Variants in RIMBP2 observed in about 807,000 individuals in gnomAD.
RIMBP2 encodes the protein RIMS binding protein 2.
Under a neutral mutation model 118.6 loss-of-function variants are expected in RIMBP2, and 48 were observed. That is an observed-to-expected ratio of 0.40 (90% CI 0.32 to 0.51). The LOEUF (loss-of-function observed/expected upper bound fraction) is 0.51. Among genes scored for constraint, RIMBP2 ranks in the 20% least tolerant of loss-of-function variants. RIMBP2 has a pLI of 0.41. For missense variants in RIMBP2, 1,551 were observed against 1,768.3 expected (o/e 0.88, Z 2.20); for synonymous variants, 762 against 742.9 (o/e 1.03, Z -0.42).
At chr12:130,402,235 G>T (rs2074676712) in intron 21 of RIMBP2, among the ~76,000 whole-genome samples, 1 of 152,140 alleles carries the variant, frequency 6.6e-6, no homozygotes, top group African/African-American at 2.4e-5. Flanking sequence ...GAGGCTCAGA[G>T]GTCCTGTTCA....
intron 2 of RIMBP2, among the ~76,000 whole-genome samples, chr12:130,563,350 G>C (rs1251177219): frequency 6.6e-6 from 1 of 152,228 alleles, no homozygotes; most frequent in Non-Finnish European, 1.5e-5. Flanking sequence ...ATTAACCTGA[G>C]CATGAGAAGG....
chr12:130,493,883 C>G (rs1433985505), intron 4 of RIMBP2, among the ~76,000 whole-genome samples: 2 of 152,134 alleles, frequency 1.3e-5, no homozygotes, highest in Admixed American at 6.5e-5. Flanking sequence ...GTTACATTTA[C>G]CCGGATATCC....
chr12:130,653,038 C>T (rs554157206), intron 1 of RIMBP2, among the ~76,000 whole-genome samples: 29 of 152,294 alleles, frequency 1.9e-4, no homozygotes, highest in African/African-American at 5.8e-4. Context: ...ACATCCCAAC[C>T]GTATCATTCT....
At chr12:130,529,769 T>C (rs1387265670) in intron 2 of RIMBP2, among the ~76,000 whole-genome samples, 1 of 152,074 alleles carries the variant, frequency 6.6e-6, no homozygotes, top group Non-Finnish European at 1.5e-5. Flanking sequence ...GTGGGGGGAA[T>C]GGTTTTGGGA....
At chr12:130,591,802 C>G (rs968025330) in intron 2 of RIMBP2, among the ~76,000 whole-genome samples, 8 of 152,224 alleles carry the variant, frequency 5.3e-5, no homozygotes, top group African/African-American at 1.4e-4. Flanking sequence ...TTCCCAGGTT[C>G]TAGTGATTGG....
chr12:130,440,674 C>G (rs935337373), intron 11 of RIMBP2, among the ~76,000 whole-genome samples: 4 of 152,210 alleles, frequency 2.6e-5, no homozygotes, highest in African/African-American at 9.6e-5. Flanking sequence ...CTCATTATCC[C>G]AGCATTCTTG....
intron 1 of RIMBP2, among the ~76,000 whole-genome samples, chr12:130,712,792 C>T (rs1037662900): frequency 2.6e-5 from 4 of 152,114 alleles, no homozygotes; most frequent in African/African-American, 9.7e-5. Flanking sequence ...TCACCCACAC[C>T]ATCGTCACTA....
rs548882354 is a variant in RIMBP2 at position 130,406,065 on chromosome 12, C to T, written c.3765+107G>A. On this transcript the variant is annotated intron_variant, in intron 21 of 22. Transcript: ENST00000690449. ...AGCAAAGCTATCAGCAGGCGTATGA[C>T]GTTCATGCCCAATTTTAAGAGAAGG... is the stretch of plus-strand genomic sequence containing the variant. The T allele has an allele frequency of 1.7e-4, 124 of 715,924 alleles. 1 individual carries two copies. Among genetic ancestry groups the T allele is most frequent in the African/African-American group, 9.4e-4 (53 of 56,088 alleles). The allele number at this position is 715,924 out of a possible 1,614,324, so 44.3% of individuals were successfully genotyped here.
intron 2 of RIMBP2, among the ~76,000 whole-genome samples, chr12:130,591,526 A>G (rs2059264950): frequency 6.6e-6 from 1 of 152,168 alleles, no homozygotes; most frequent in Non-Finnish European, 1.5e-5. Flanking sequence ...TGGAGGCCAG[A>G]AGTCTGGAAT....
intron 17 of RIMBP2, among the ~76,000 whole-genome samples, chr12:130,421,895 A>C (rs943406097): frequency 1.3e-4 from 20 of 152,352 alleles, no homozygotes; most frequent in African/African-American, 4.3e-4. Flanking sequence ...GCTGAATTCC[A>C]AAAAGTCAGG....
intron 2 of RIMBP2, among the ~76,000 whole-genome samples, chr12:130,543,784 A>G (rs1169355586): frequency 6.6e-6 from 1 of 151,958 alleles, no homozygotes. Context: ...TCTTTCACCT[A>G]TAAGAGTTTC....
chr12:130,568,498 C>A (rs1293927908), intron 2 of RIMBP2, among the ~76,000 whole-genome samples: 2 of 152,222 alleles, frequency 1.3e-5, no homozygotes, highest in Non-Finnish European at 2.9e-5. Context: ...AGACATTCAG[C>A]CTTTTGATCC....
chr12:130,590,553 G>C (rs2059191970), intron 2 of RIMBP2, among the ~76,000 whole-genome samples: 1 of 152,150 alleles, frequency 6.6e-6, no homozygotes, highest in Non-Finnish European at 1.5e-5. Context: ...TTTTCAGCTG[G>C]TAAAAAAGTT....
chr12:130,446,387 C>T lies in RIMBP2; in HGVS notation c.582-1118G>A, dbSNP rs1251710590. Among the ~76,000 whole-genome samples, 1 of 152,188 alleles carries T rather than the reference C, an allele frequency of 6.6e-6. No individual in the cohort carries two copies. The highest frequency in any genetic ancestry group is 1.9e-4 in the East Asian group (1 of 5,190). On this transcript the variant is annotated intron_variant, in intron 9 of 22. Coordinates refer to ENST00000690449, the MANE Select transcript of RIMBP2 (RefSeq NM_001393629.1). The surrounding 1 kb of genome is among the most constrained non-coding windows in gnomAD (Gnocchi z 4.1). Reference sequence around the variant, plus strand: ...AAGATAAGGTCCCCAGTCTCAATGGCTGAGTGAGGTCAGGCAACATGCCCA... The same window carrying T: ...AAGATAAGGTCCCCAGTCTCAATGGTTGAGTGAGGTCAGGCAACATGCCCA...
intron 1 of RIMBP2, among the ~76,000 whole-genome samples, chr12:130,678,689 T>C (rs2064624782): frequency 1.3e-5 from 2 of 152,322 alleles, no homozygotes; most frequent in South Asian, 4.1e-4. Flanking sequence ...AGCTAATTTT[T>C]GTATTTTTAG....
chr12:130,552,072 C>T (rs945444280), intron 2 of RIMBP2, among the ~76,000 whole-genome samples: 7 of 152,248 alleles, frequency 4.6e-5, no homozygotes, highest in Non-Finnish European at 2.9e-5. Context: ...GGGCTCATAA[C>T]TGCTTTAACA....
At position 130,710,059 on chromosome 12, in the gene RIMBP2, G is replaced by T. The variant is rs970714680; in HGVS notation, c.-352+6163C>A. Among the ~76,000 whole-genome samples the T allele has an allele frequency of 6.6e-6, 1 of 152,148 alleles. No individual in the cohort carries two copies. Among genetic ancestry groups the T allele is most frequent in the Non-Finnish European group, 1.5e-5 (1 of 68,016 alleles). ...TTTCCGGGTATCCCTGGGAGCTCAC[G>T]GGTGGACACCGAGGGTCTCCAGGAG... On this transcript the variant is annotated intron_variant, in intron 1 of 22. Transcript: ENST00000690449. This position sits in a 1 kb window ranked among gnomAD's most constrained non-coding sequence, Gnocchi z 4.3.
intron 2 of RIMBP2, among the ~76,000 whole-genome samples, chr12:130,528,257 A>C (rs10437815): frequency 0.3 from 45,627 of 152,136 alleles, 7,984 homozygotes; most frequent in African/African-American, 0.49. Context: ...ATGGAATACT[A>C]TGCAGCCATA....
At chr12:130,654,529 C>G (rs2136293127) in intron 1 of RIMBP2, among the ~76,000 whole-genome samples, 2 of 152,302 alleles carry the variant, frequency 1.3e-5, no homozygotes, top group South Asian at 4.1e-4. Context: ...CAAGGAGTTC[C>G]AAACAATTCC....
Sources: gnomAD v4.1 joint callset for allele counts (sites outside exome capture counted in the v4.1 genomes callset) on GRCh38, gnomAD v4.1.1 for gene constraint, Gnocchi (gnomAD v3.1) non-coding constraint, MANE v1.5 for transcripts, NCBI Gene and HGNC (gene_info 2026-07-23, HGNC 2026-07-21) for gene names.